PREX1: variants seen among roughly 807,000 people sequenced by gnomAD.
PREX1 encodes phosphatidylinositol 3,4,5-trisphosphate-dependent Rac exchanger 1 protein.
A neutral mutation model predicts 198.3 loss-of-function variants in PREX1; 41 were observed. The ratio of observed to expected loss-of-function variants is 0.21; its 90% CI spans 0.16 to 0.27. The LOEUF (loss-of-function observed/expected upper bound fraction) is 0.27. Among genes scored for constraint, PREX1 ranks in the 10% least tolerant of loss-of-function variants. The pLI is 1.00. For synonymous variants in PREX1, 843 were observed against 887.2 expected (o/e 0.95, Z 0.89); for missense variants, 1,620 against 2,200.7 (o/e 0.74, Z 5.28).
chr20:48,680,445 C>T (rs1187842192), intron 11 of PREX1, among the ~76,000 whole-genome samples: 7 of 152,218 alleles, frequency 4.6e-5, no homozygotes, highest in Non-Finnish European at 2.9e-5. Context: ...TCATAGCTCA[C>T]TCAGAGTAAA....
At chr20:48,854,425 G>A in the PREX1 span, among the ~76,000 whole-genome samples, 2 of 152,160 alleles carry the variant, frequency 1.3e-5, no homozygotes, top group Non-Finnish European at 2.9e-5. Context: ...CCAGGCACCT[G>A]TGGCTCATGC....
At chr20:48,761,827 A>C (rs1242310509) in intron 1 of PREX1, among the ~76,000 whole-genome samples, 1 of 152,210 alleles carries the variant, frequency 6.6e-6, no homozygotes, top group Non-Finnish European at 1.5e-5. Flanking sequence ...TTTGGCCTGC[A>C]GAGGGGTTTG....
intron 6 of PREX1, among the ~76,000 whole-genome samples, chr20:48,703,193 G>C (rs2089884454): frequency 6.6e-6 from 1 of 152,218 alleles, no homozygotes; most frequent in African/African-American, 2.4e-5. Context: ...GGGCTGGTCT[G>C]CTCTGTGTCC....
chr20:48,626,235 C>T (rs2089271261), intron 39 of PREX1, among the ~76,000 whole-genome samples: 1 of 152,184 alleles, frequency 6.6e-6, no homozygotes, highest in Non-Finnish European at 1.5e-5. Context: ...CAGATGGCCA[C>T]AGCACTCTGC....
Position 48,708,433 on chromosome 20 carries a change from T to C in PREX1, c.622-12A>G, listed in dbSNP as rs766593639. The stretch of plus-strand genomic sequence containing the variant: ...CTCTTGGCCAGCTCCTGGGGTAGAA[T>C]AGAGGTGGGGAGAAGAAAGCAAGAC... On this transcript the variant is annotated splice_polypyrimidine_tract_variant and intron_variant, in intron 5 of 39. Transcript: ENST00000371941. The C allele has an allele frequency of 2.5e-5, 40 of 1,613,092 alleles. No homozygotes were observed. Among genetic ancestry groups the C allele is most frequent in the Non-Finnish European group, 2.5e-5 (30 of 1,179,506 alleles).
At chr20:48,638,444 G>A (rs2089383230) in intron 30 of PREX1, among the ~76,000 whole-genome samples, 1 of 152,174 alleles carries the variant, frequency 6.6e-6, no homozygotes, top group South Asian at 2.1e-4. Context: ...ATTCTTCCAG[G>A]CCCAACATCC....
chr20:48,848,837 A>G, the PREX1 span, among the ~76,000 whole-genome samples: 1 of 152,178 alleles, frequency 6.6e-6, no homozygotes, highest in Non-Finnish European at 1.5e-5. Flanking sequence ...CTGGCATTCA[A>G]GGAATTCTCC....
In PREX1 at chr20:48,651,070, A is replaced by G; in HGVS notation, c.2656-15T>C. 6.2e-7 allele frequency: 1 copy of G among 1,613,364 alleles called. No individual in the cohort carries two copies. The highest frequency in any genetic ancestry group is 8.5e-7 in the Non-Finnish European group (1 of 1,179,738). ...GCCTCGAGGATCTGCAGAAATGTCAACAGCTACTGAGCATTCCCTGTGTGC... is the reference window on the plus strand; with the variant it reads ...GCCTCGAGGATCTGCAGAAATGTCAGCAGCTACTGAGCATTCCCTGTGTGC... On this transcript the variant is annotated splice_polypyrimidine_tract_variant and intron_variant, in intron 22 of 39. Transcript: ENST00000371941.
Position 48,665,123 on chromosome 20 carries a change from A to G in PREX1, c.1738+1160T>C, listed in dbSNP as rs1391958953. Among the ~76,000 whole-genome samples the G allele has an allele frequency of 6.5e-3, 559 of 85,450 alleles. 6 individuals carry two copies. Among genetic ancestry groups the G allele is most frequent in the African/African-American group, 0.022 (490 of 22,176 alleles). 56.1% of individuals were successfully genotyped at this position (85,450 alleles called of 152,430 possible). On this transcript the variant is annotated intron_variant, in intron 15 of 39. Transcript: ENST00000371941. ...TCCAGACGGCCTGAATTCTAATCCCACCCCAGACGGCCTGAATTCTAATCC... is the reference window on the plus strand; with the variant it reads ...TCCAGACGGCCTGAATTCTAATCCCGCCCCAGACGGCCTGAATTCTAATCC...
chr20:48,716,402 G>A (rs559209427), intron 5 of PREX1, among the ~76,000 whole-genome samples: 6 of 152,292 alleles, frequency 3.9e-5, no homozygotes, highest in African/African-American at 7.2e-5. Context: ...CAGCATGGCC[G>A]TAAGAGGCAG....
chr20:48,636,084 G>C (rs1390056969), intron 32 of PREX1, among the ~76,000 whole-genome samples: 2 of 152,270 alleles, frequency 1.3e-5, no homozygotes, highest in East Asian at 3.9e-4. Flanking sequence ...AGCATCCCTG[G>C]CTTCCACCAC....
intron 9 of PREX1, among the ~76,000 whole-genome samples, chr20:48,689,473 C>A (rs1476886813): frequency 6.6e-6 from 1 of 152,160 alleles, no homozygotes; most frequent in Non-Finnish European, 1.5e-5. Context: ...GAATTTAGAC[C>A]CAGGAAGTTG....
chr20:48,719,785 TG>T (rs2089977598), intron 5 of PREX1, among the ~76,000 whole-genome samples: 1 of 152,144 alleles, frequency 6.6e-6, no homozygotes, highest in African/African-American at 2.4e-5. Flanking sequence ...AAGCACTTTC[TG>T]GTCTCCCTGA....
At chr20:48,674,419 C>G (rs560320576) in intron 14 of PREX1, among the ~76,000 whole-genome samples, 1 of 152,302 alleles carries the variant, frequency 6.6e-6, no homozygotes, top group South Asian at 2.1e-4. Flanking sequence ...GAATGTTTAA[C>G]AATTAATGAG....
intron 11 of PREX1, among the ~76,000 whole-genome samples, chr20:48,680,032 G>A (rs988701427): frequency 6.6e-6 from 1 of 152,158 alleles, no homozygotes; most frequent in East Asian, 1.9e-4. Flanking sequence ...ATCTACAGGG[G>A]TGAGGGACCC....
At chr20:48,794,304 C>A (rs2090350808) in intron 1 of PREX1, among the ~76,000 whole-genome samples, 1 of 152,096 alleles carries the variant, frequency 6.6e-6, no homozygotes, top group Non-Finnish European at 1.5e-5. Context: ...GATAGGGGCA[C>A]AGAGAATGAG....
In PREX1 at chr20:48,635,794, C is replaced by G. The variant is rs568692462; in HGVS notation, c.4167+669G>C. 5.2e-4 allele frequency among the ~76,000 whole-genome samples: 80 copies of G among 152,390 alleles called. 1 individual carries two copies. The highest frequency in any genetic ancestry group is 1.9e-3 in the African/African-American group (79 of 41,592). ...AGGCCCCCAGCTCCCAGCTCAGGGC[C>G]TGGCACATCGTGGTGTTTGGAGAAT... On this transcript the variant is annotated intron_variant, in intron 32 of 39. Transcript: ENST00000371941.
At chr20:48,840,217 G>A in the PREX1 span, among the ~76,000 whole-genome samples, 1 of 151,886 alleles carries the variant, frequency 6.6e-6, no homozygotes, top group Middle Eastern at 3.4e-3. Flanking sequence ...ATTTCACTAT[G>A]TTCCCTATGC....
intron 33 of PREX1, among the ~76,000 whole-genome samples, chr20:48,634,047 A>G (rs2089337889): frequency 6.9e-6 from 1 of 144,300 alleles, no homozygotes; most frequent in Admixed American, 7.1e-5. Flanking sequence ...GAATGGATGC[A>G]TGGATGGATG....
Sources: gnomAD v4.1 joint callset for allele counts (sites outside exome capture counted in the v4.1 genomes callset) on GRCh38, gnomAD v4.1.1 for gene constraint, MANE v1.5 for transcripts, NCBI Gene and HGNC (gene_info 2026-07-23, HGNC 2026-07-21) for gene names.